The following NAA35 variants were observed in gnomAD, a reference collection of about 807,000 sequenced individuals.
NAA35 encodes the protein MAK10 homolog, amino-acid N-acetyltransferase subunit.
A neutral mutation model predicts 101.7 loss-of-function variants in NAA35; 18 were observed. The observed-to-expected ratio is 0.18, with a 90% CI of 0.12 to 0.26. The LOEUF (loss-of-function observed/expected upper bound fraction) is 0.26, where lower values mean the gene tolerates loss of function less well. Among genes scored for constraint, NAA35 ranks in the 10% least tolerant of loss-of-function variants. NAA35 has a pLI of 1.00. For synonymous variants in NAA35, 267 were observed against 273.1 expected (o/e 0.98, Z 0.22); for missense variants, 601 against 886.8 (o/e 0.68, Z 4.09).
At chr9:85,977,145 G>T (rs1191465975) in intron 9 of NAA35, among the ~76,000 whole-genome samples, 1 of 152,186 alleles carries the variant, frequency 6.6e-6, no homozygotes, top group Admixed American at 6.5e-5. Context: ...GACAAGATCA[G>T]TGCTGTTGAT....
chr9:85,975,533 A>C (rs1268736428), intron 8 of NAA35, among the ~76,000 whole-genome samples: 1 of 152,104 alleles, frequency 6.6e-6, no homozygotes, highest in Non-Finnish European at 1.5e-5. Flanking sequence ...TCATCACTAG[A>C]TTACTTATAA....
intron 2 of NAA35, among the ~76,000 whole-genome samples, chr9:85,942,561 T>C (rs1828571167): frequency 6.6e-6 from 1 of 152,268 alleles, no homozygotes; most frequent in South Asian, 2.1e-4. Context: ...AAACACTTTG[T>C]TAATCTAAAA....
intron 17 of NAA35, 67 bp downstream of exon 17, chr9:86,013,964 A>T: frequency 8.1e-7 from 1 of 1,240,846 alleles, no homozygotes; most frequent in Non-Finnish European, 1.1e-6. Context: ...ATTCAGAGTT[A>T]ATTTCAGGGT....
In NAA35 at chr9:85,948,143, G is replaced by C. The variant is rs193301010; in HGVS notation, c.124+5860G>C. On this transcript the variant is annotated intron_variant, in intron 2 of 22. Coordinates refer to ENST00000361671, the MANE Select transcript of NAA35 (RefSeq NM_024635.4). ...ATTCCCTTCATCCCCAGTTTAGGCTGTATCTGTGGACTTAACCCCTTATAG... is the reference window on the plus strand; with the variant it reads ...ATTCCCTTCATCCCCAGTTTAGGCTCTATCTGTGGACTTAACCCCTTATAG... Among the ~76,000 whole-genome samples, 64 of 152,222 alleles carry C rather than the reference G, an allele frequency of 4.2e-4. 1 individual carries two copies. The highest frequency in any genetic ancestry group is 1.3e-4 in the Admixed American group (2 of 15,290).
chr9:85,959,390 C>CAA (rs1269646443), intron 4 of NAA35, among the ~76,000 whole-genome samples: 1 of 136,222 alleles, frequency 7.3e-6, no homozygotes. Context: ...AAAAAAAAAA[C>CAA]AAAAAAAAAA....
chr9:86,010,009 G>C, intron 15 of NAA35, 78 bp downstream of exon 15: 1 of 1,113,542 alleles, frequency 9.0e-7, no homozygotes, highest in Non-Finnish European at 1.4e-6. Context: ...GGCTCACTTT[G>C]GGAGGCTGAG....
intron 6 of NAA35, among the ~76,000 whole-genome samples, chr9:85,970,002 A>G (rs1829935853): frequency 6.6e-6 from 1 of 152,174 alleles, no homozygotes; most frequent in Non-Finnish European, 1.5e-5. Context: ...TTCAGTGGTT[A>G]GATTTGGTCT....
chr9:85,998,294 A>G (rs935795414), intron 12 of NAA35, among the ~76,000 whole-genome samples: 5 of 152,192 alleles, frequency 3.3e-5, no homozygotes, highest in Middle Eastern at 3.2e-3. Flanking sequence ...TTGTCTCTGT[A>G]TCATGAACAT....
chr9:86,009,037 A>C (rs1831777873), intron 14 of NAA35, among the ~76,000 whole-genome samples: 1 of 152,136 alleles, frequency 6.6e-6, no homozygotes, highest in Non-Finnish European at 1.5e-5. Context: ...GCCTCATGAC[A>C]GTCATCTCCT....
chr9:86,011,818 C>T (rs1016558819), intron 15 of NAA35, among the ~76,000 whole-genome samples: 6 of 144,590 alleles, frequency 4.1e-5, no homozygotes, highest in Non-Finnish European at 9.0e-5. Flanking sequence ...ATGTACATCA[C>T]AAACACTCAG....
intron 12 of NAA35, among the ~76,000 whole-genome samples, chr9:86,001,408 C>T (rs1831412467): frequency 6.6e-6 from 1 of 151,978 alleles, no homozygotes; most frequent in Non-Finnish European, 1.5e-5. Context: ...TCCATTTGGT[C>T]CAGTGCTGAG....
intron 3 of NAA35, among the ~76,000 whole-genome samples, chr9:85,957,787 G>T (rs1013476278): frequency 7.2e-5 from 11 of 152,188 alleles, no homozygotes; most frequent in African/African-American, 2.7e-4. Flanking sequence ...CATTGTGGTT[G>T]CAGGGAAGGG....
chr9:85,969,451 C>G (rs1057245411), intron 6 of NAA35, among the ~76,000 whole-genome samples: 1 of 152,056 alleles, frequency 6.6e-6, no homozygotes, highest in Admixed American at 6.6e-5. Context: ...GTGCATTGAT[C>G]CCATGCTCTA....
chr9:85,970,667 A>T (rs1188995593), intron 6 of NAA35, among the ~76,000 whole-genome samples: 2 of 152,218 alleles, frequency 1.3e-5, no homozygotes, highest in Non-Finnish European at 2.9e-5. Context: ...CAAAATGTAT[A>T]CTACAAAGTA....
intron 11 of NAA35, among the ~76,000 whole-genome samples, chr9:85,982,271 A>G (rs1587613953): frequency 6.6e-6 from 1 of 152,224 alleles, no homozygotes; most frequent in Middle Eastern, 3.4e-3. Context: ...AGCAGATGGT[A>G]TTTACTTGGG....
At chr9:86,005,765 A>G (rs79715609) in intron 13 of NAA35, among the ~76,000 whole-genome samples, 1,546 of 152,316 alleles carry the variant, frequency 0.01, 31 homozygotes, top group Middle Eastern at 0.034. Flanking sequence ...ATCTAATATG[A>G]TTAATATTCA....
intron 2 of NAA35, among the ~76,000 whole-genome samples, chr9:85,942,898 C>T (rs1398969803): frequency 6.6e-6 from 1 of 152,186 alleles, no homozygotes; most frequent in Non-Finnish European, 1.5e-5. Context: ...AAGTGTTAAC[C>T]TCCCTGGTGA....
chr9:85,945,859 T>C (rs983674599), intron 2 of NAA35, among the ~76,000 whole-genome samples: 2 of 152,178 alleles, frequency 1.3e-5, no homozygotes, highest in Non-Finnish European at 2.9e-5. Context: ...ATAGTTGGCA[T>C]ACTGATGGCG....
At chr9:86,001,991 A>G (rs1377010517) in intron 12 of NAA35, among the ~76,000 whole-genome samples, 1 of 152,044 alleles carries the variant, frequency 6.6e-6, no homozygotes, top group Non-Finnish European at 1.5e-5. Flanking sequence ...GTGTTTTTGT[A>G]TTAGCTGGTA....
Sources: gnomAD v4.1 joint callset for allele counts (sites outside exome capture counted in the v4.1 genomes callset) on GRCh38, gnomAD v4.1.1 for gene constraint, MANE v1.5 for transcripts, NCBI Gene and HGNC (gene_info 2026-07-23, HGNC 2026-07-21) for gene names.